NRXN3: variants seen among roughly 807,000 people sequenced by gnomAD.
NRXN3 encodes the protein neurexin 3.
A neutral mutation model predicts 137.6 loss-of-function variants in NRXN3; 32 were observed. The observed-to-expected ratio is 0.23, with a 90% CI of 0.18 to 0.31. The LOEUF is 0.31. NRXN3 is among the 10% of genes least tolerant of loss of function. NRXN3 has a pLI of 1.00. For missense variants in NRXN3, 1,574 were observed against 2,062.5 expected, an observed-to-expected ratio of 0.76 and a Z score of 4.59; for synonymous variants, 798 against 784.5, an observed-to-expected ratio of 1.02 and a Z score of -0.29.
At chr14:79,465,884 A>C (rs1664533770) in intron 15 of NRXN3, among the ~76,000 whole-genome samples, 2 of 152,272 alleles carry the variant, frequency 1.3e-5, no homozygotes, top group Non-Finnish European at 2.9e-5. Context: ...CTAAAACCAC[A>C]GAGGCAACAA....
chr14:79,488,009 A>T lies in NRXN3; in HGVS notation c.3444+20607A>T, dbSNP rs117516640. 5.8e-3 allele frequency among the ~76,000 whole-genome samples: 880 copies of T among 152,278 alleles called. 21 individuals are homozygous for T. In the East Asian group the frequency reaches 0.079, roughly 14 times the overall value. ...CTTCATACCTGGGAGGACAGATTAC[A>T]GGAGAGATGTGATAATTAGAGATAC... On this transcript the variant is annotated intron_variant, in intron 16 of 20. Coordinates refer to ENST00000335750, the MANE Select transcript of NRXN3 (RefSeq NM_001330195.2).
At chr14:79,142,373 C>G (rs1342149592) in intron 15 of NRXN3, among the ~76,000 whole-genome samples, 1 of 151,642 alleles carries the variant, frequency 6.6e-6, no homozygotes, top group Non-Finnish European at 1.5e-5. Context: ...TTGCAGTGAG[C>G]CGAGATGGCG....
chr14:79,592,007 T>C (rs1410519463), intron 16 of NRXN3, among the ~76,000 whole-genome samples: 1 of 152,196 alleles, frequency 6.6e-6, no homozygotes. Context: ...CATTGTGGAC[T>C]CCATCCACAT....
chr14:78,721,784 T>C (rs1444980009), intron 8 of NRXN3, among the ~76,000 whole-genome samples: 1 of 152,170 alleles, frequency 6.6e-6, no homozygotes, highest in Non-Finnish European at 1.5e-5. Flanking sequence ...ATGACATGTA[T>C]CTGAGAAAGG....
At chr14:79,408,136 G>A (rs2095348967) in intron 15 of NRXN3, among the ~76,000 whole-genome samples, 1 of 152,104 alleles carries the variant, frequency 6.6e-6, no homozygotes, top group Non-Finnish European at 1.5e-5. Flanking sequence ...AGTTAGGGGA[G>A]CTCCTGGCAT....
chr14:78,967,459 TC>T, intron 13 of NRXN3, 61 bp downstream of exon 13: 1 of 1,238,480 alleles, frequency 8.1e-7, no homozygotes, highest in Non-Finnish European at 1.2e-6. Context: ...ATAGACTATT[TC>T]CAGAGGCAAA....
intron 4 of NRXN3, among the ~76,000 whole-genome samples, chr14:78,403,407 T>G (rs929188701): frequency 7.2e-5 from 11 of 152,198 alleles, no homozygotes; most frequent in Non-Finnish European, 1.5e-4. Flanking sequence ...AGAGCAGAGC[T>G]CGCATTCTGG....
intron 8 of NRXN3, among the ~76,000 whole-genome samples, chr14:78,793,255 A>T (rs1421334833): frequency 3.9e-5 from 6 of 152,194 alleles, no homozygotes; most frequent in African/African-American, 1.2e-4. Flanking sequence ...TTACAATAAA[A>T]TTCAAGCATT....
intron 8 of NRXN3, among the ~76,000 whole-genome samples, chr14:78,776,137 A>G (rs749849800): frequency 6.6e-6 from 1 of 152,220 alleles, no homozygotes; most frequent in Non-Finnish European, 1.5e-5. Flanking sequence ...TATTTTATGG[A>G]ACATAGTTAT....
intron 8 of NRXN3, among the ~76,000 whole-genome samples, chr14:78,775,158 G>A (rs1352986090): frequency 6.6e-6 from 1 of 152,140 alleles, no homozygotes; most frequent in African/African-American, 2.4e-5. Flanking sequence ...TGGGTATAAT[G>A]CACTATGCTC....
chr14:79,240,570 C>T (rs891508972), intron 15 of NRXN3, among the ~76,000 whole-genome samples: 4 of 152,158 alleles, frequency 2.6e-5, no homozygotes, highest in Non-Finnish European at 5.9e-5. Flanking sequence ...AGTCTCTGGA[C>T]ACTTGGTGAG....
chr14:78,573,582 G>C (rs766619438), intron 4 of NRXN3, among the ~76,000 whole-genome samples: 8 of 152,194 alleles, frequency 5.3e-5, no homozygotes, highest in Non-Finnish European at 1.2e-4. Flanking sequence ...CTTTGAACTT[G>C]AGAGAGATGA....
At chr14:78,497,926 G>A (rs556177687) in intron 4 of NRXN3, among the ~76,000 whole-genome samples, 4 of 152,080 alleles carry the variant, frequency 2.6e-5, no homozygotes, top group South Asian at 2.1e-4. Context: ...ATTTTGTCCC[G>A]GAGGAATAGT....
intron 10 of NRXN3, among the ~76,000 whole-genome samples, chr14:78,890,048 A>G (rs1483079251): frequency 1.3e-5 from 2 of 152,008 alleles, no homozygotes; most frequent in Non-Finnish European, 2.9e-5. Flanking sequence ...TGGAAGAGGT[A>G]AGAATTGGAT....
At chr14:79,544,807 C>T (rs1269830865) in intron 16 of NRXN3, among the ~76,000 whole-genome samples, 1 of 152,186 alleles carries the variant, frequency 6.6e-6, no homozygotes, top group Non-Finnish European at 1.5e-5. Context: ...TGTTGATTCT[C>T]ATTCCACAAC....
At chr14:78,691,332 G>A (rs1020061193) in intron 6 of NRXN3, among the ~76,000 whole-genome samples, 2 of 152,054 alleles carry the variant, frequency 1.3e-5, no homozygotes, top group Non-Finnish European at 2.9e-5. Flanking sequence ...CTATATCATC[G>A]GTGGTTGAAT....
At chr14:79,152,271 C>T (rs1596522975) in intron 15 of NRXN3, among the ~76,000 whole-genome samples, 1 of 152,138 alleles carries the variant, frequency 6.6e-6, no homozygotes, top group East Asian at 1.9e-4. Flanking sequence ...TCTTGCATCT[C>T]ACTATCTTGT....
chr14:78,568,766 GT>G (rs2096859962), intron 4 of NRXN3, among the ~76,000 whole-genome samples: 1 of 152,044 alleles, frequency 6.6e-6, no homozygotes, highest in Non-Finnish European at 1.5e-5. Context: ...AGTTCATCAT[GT>G]GGCAAATGTG....
Position 79,863,239 on chromosome 14 carries a change from A to C in NRXN3, c.*1275A>C, listed in dbSNP as rs753342955. On this transcript the variant is annotated 3_prime_UTR_variant, in exon 21 of 21. Transcript: ENST00000335750. ...CTTCCATTTGCTCACTTCTCTCTTC[A>C]CCCATCTTTTTTAAAAACAAATAAA... The C allele has an allele frequency of 1.2e-4, 18 of 152,284 alleles. No homozygotes were observed. The highest frequency in any genetic ancestry group is 2.4e-4 in the Non-Finnish European group (16 of 67,992). The allele number at this position is 152,284 out of a possible 1,614,324, so 9.4% of individuals were successfully genotyped here.
Sources: allele counts gnomAD v4.1 joint callset (sites outside exome capture counted in the v4.1 genomes callset), GRCh38; gene constraint gnomAD v4.1.1; transcripts MANE v1.5; gene names NCBI Gene and HGNC (gene_info 2026-07-23, HGNC 2026-07-21).